PLCD3: variants seen among roughly 807,000 people sequenced by gnomAD.
PLCD3 encodes 1-phosphatidylinositol 4,5-bisphosphate phosphodiesterase delta-3.
In PLCD3, 62 loss-of-function variants were observed where a neutral mutation model predicts 82.8. That is an observed-to-expected ratio of 0.75 (90% confidence interval 0.61 to 0.93). The LOEUF is 0.93. Ranked by LOEUF, PLCD3 falls within the 40% of genes least tolerant of loss-of-function variation. The pLI is 0.00. For missense variants in PLCD3, 1,023 were observed against 1,103.4 expected, an observed-to-expected ratio of 0.93 and a Z score of 1.03; for synonymous variants, 478 against 471.8, an observed-to-expected ratio of 1.01 and a Z score of -0.17.
chr17:45,118,431 C>G lies in PLCD3; in HGVS notation c.975G>C (p.Gly325=). Residue 325 remains glycine, a synonymous_variant, in exon 6 of 15, where the codon GGG becomes GGC. Coordinates refer to ENST00000619929, the MANE Select transcript of PLCD3 (RefSeq NM_133373.5). The surrounding 1 kb of genome is among the most constrained non-coding windows in gnomAD (Gnocchi z 4.1). ...GFMMYLLSPE[G]AALDNTHTCV... Reference sequence around the variant, plus strand: ...ACGTGTGGGTGTTGTCCAAGGCAGCCCCCTCCGGCGACAACAGGTACATCA... The same window carrying G: ...ACGTGTGGGTGTTGTCCAAGGCAGCGCCCTCCGGCGACAACAGGTACATCA... The G allele has an allele frequency of 6.2e-7, 1 of 1,613,996 alleles. No homozygotes were observed. The highest frequency in any genetic ancestry group is 2.2e-5 in the East Asian group (1 of 44,888).
intron 10 of PLCD3, among the ~76,000 whole-genome samples, 181 bp downstream of exon 10, chr17:45,114,913 C>T (rs1234408578): frequency 5.9e-5 from 9 of 152,068 alleles, no homozygotes; most frequent in Non-Finnish European, 1.2e-4. Flanking sequence ...CCGCCCTCAG[C>T]GTGCCACTCC....
chr17:45,121,326 C>A lies in PLCD3; in HGVS notation c.210G>T (p.Arg70=), dbSNP rs1309731853. The A allele has an allele frequency of 1.3e-6, 2 of 1,556,914 alleles. No homozygotes were observed. The highest frequency in any genetic ancestry group is 2.3e-5 in the South Asian group (2 of 85,558). ...ACGTGCGCGAGCGGATCTTGCGGAG[C>A]CGGGAGCCCCGCAGCATGGCGCGCA... ...EDVRAMLRGS[R]LRKIRSRTWH... The change falls in exon 2 of 15, where the codon CGG becomes CGT. Residue 70 remains arginine, a synonymous_variant. Coordinates refer to ENST00000619929, the MANE Select transcript of PLCD3 (RefSeq NM_133373.5).
Position 45,118,935 on chromosome 17 carries a change from C to T in PLCD3, c.793G>A (p.Gly265Ser). 1 of 1,612,772 alleles carries T rather than the reference C, an allele frequency of 6.2e-7. No homozygotes were observed. The highest frequency in any genetic ancestry group is 8.5e-7 in the Non-Finnish European group (1 of 1,179,744). The part of the protein sequence containing the change: ...ELEEIFHQYS[G>S]EDRVLSAPEL... ...GGGGCACTCAGCACGCGGTCCTCGCCCGAGTACTGATGGAAGATCTCCTCC... is the reference window on the plus strand; with the variant it reads ...GGGGCACTCAGCACGCGGTCCTCGCTCGAGTACTGATGGAAGATCTCCTCC... Residue 265 changes from glycine (G) to serine (S), a missense_variant, in exon 5 of 15, where the codon GGC (glycine) becomes AGC (serine). Physicochemically the swap from Gly to Ser is moderately conservative, Grantham distance 56. This residue lies in a region of PLCD3 where 448 missense variants were observed against 406.3 expected (regional missense o/e 1.10). Transcript: ENST00000619929. This position sits in a 1 kb window ranked among gnomAD's most constrained non-coding sequence, Gnocchi z 4.1.
rs768137231 is a variant in PLCD3 at position 45,120,382 on chromosome 17, G to A, written c.627C>T (p.Ser209=). 3.1e-6 allele frequency: 5 copies of A among 1,613,910 alleles called. No homozygotes were observed. Among genetic ancestry groups the A allele is most frequent in the Non-Finnish European group, 4.2e-6 (5 of 1,179,890 alleles). Residue 209 remains serine, a synonymous_variant, in exon 4 of 15, where the codon AGC becomes AGT. Coordinates refer to ENST00000619929, the MANE Select transcript of PLCD3 (RefSeq NM_133373.5). ...DSKMSFKEIK[S]LLRMVNVDMN... Reference sequence around the variant, plus strand: ...TGTCCACGTTGACCATTCTCAGCAGGCTCTTGATCTCCTTGAAGCTCATCT... The same window carrying A: ...TGTCCACGTTGACCATTCTCAGCAGACTCTTGATCTCCTTGAAGCTCATCT...
chr17:45,114,140 A>T, intron 11 of PLCD3, 110 bp downstream of exon 11: 1 of 798,666 alleles, frequency 1.3e-6, no homozygotes, highest in South Asian at 2.1e-5. Flanking sequence ...AAAAATAATC[A>T]ACAAAATGCG....
Position 45,121,197 on chromosome 17 carries a change from C to T in PLCD3, c.325+14G>A. On this transcript the variant is annotated intron_variant, in intron 2 of 14. Coordinates refer to ENST00000619929, the MANE Select transcript of PLCD3 (RefSeq NM_133373.5). ...CCCACCTCCCTGTCCGCCCGGCGCT[C>T]CCCGGCCTCTCACAGATGTGCTGCG... 6.4e-7 allele frequency: 1 copy of T among 1,563,064 alleles called. No homozygotes were observed. The highest frequency in any genetic ancestry group is 8.6e-7 in the Non-Finnish European group (1 of 1,163,624).
rs532352505 is a variant in PLCD3, at chr17:45,109,067, TGCTGGAGCCTAG to T, written c.*3537_*3548del. ...GCAGGTGGCAGTGGAAGAAATGGAG[TGCTGGAGCCTAG>T]GCTGGAGCCAGGACGACAGGGCTTG... is the stretch of plus-strand genomic sequence containing the variant. On this transcript the variant is annotated 3_prime_UTR_variant, in exon 15 of 15. Transcript: ENST00000619929. The T allele has an allele frequency of 4.5e-4, 69 of 152,696 alleles. No homozygotes were observed. The highest frequency in any genetic ancestry group is 1.3e-3 in the African/African-American group (56 of 41,552). 9.5% of individuals were successfully genotyped at this position (152,696 alleles called of 1,614,324 possible). A position where few individuals can be genotyped will look rare whatever the true frequency, so the allele number is the denominator to read the frequency against.
At chr17:45,120,273 G>T in intron 4 of PLCD3, 52 bp downstream of exon 4, 1 of 1,610,964 alleles carries the variant, frequency 6.2e-7, no homozygotes. Flanking sequence ...GGGGCAGGCA[G>T]AGGTCAGAGT....
rs1283110137 is a variant in PLCD3 at position 45,115,424 on chromosome 17, C to T, written c.1480G>A (p.Ala494Thr). ...LPAARSEDGR[A>T]LSDREEEEED... ...TCCTCCTCCTCCCGATCCGACAGAG[C>T]CCGGCCATCCTCGCTCCGAGCAGCG... Residue 494 changes from alanine to threonine, a missense_variant, in exon 9 of 15, where the codon GCT (alanine) becomes ACT (threonine). By Grantham distance (58) the Ala-to-Thr change is moderately conservative. Transcript: ENST00000619929. The T allele has an allele frequency of 6.2e-7, 1 of 1,612,150 alleles. No individual in the cohort carries two copies.
At position 45,132,226 on chromosome 17, in the gene PLCD3, C is replaced by CTTG; in HGVS notation, c.163+21_163+22insCAA. The CTTG allele has an allele frequency of 7.9e-7, 1 of 1,259,292 alleles. No homozygotes were observed. Among genetic ancestry groups the CTTG allele is most frequent in the Non-Finnish European group, 1.0e-6 (1 of 1,001,584 alleles). 78.0% of individuals were successfully genotyped at this position (1,259,292 alleles called of 1,614,324 possible). On this transcript the variant is annotated intron_variant, in intron 1 of 14. Coordinates refer to ENST00000619929, the MANE Select transcript of PLCD3 (RefSeq NM_133373.5). This position sits in a 1 kb window ranked among gnomAD's most constrained non-coding sequence, Gnocchi z 4.6. ...CTGGGAACGGTCCGCGCCCACCCCACCGCCCCTTGCCCGTCACTGACCCAT... is the reference window on the plus strand; with the variant it reads ...CTGGGAACGGTCCGCGCCCACCCCACTTGCGCCCCTTGCCCGTCACTGACCCAT...
chr17:45,121,453 C>T, intron 1 of PLCD3, 81 bp from the exon 2 acceptor site: 2 of 1,413,464 alleles, frequency 1.4e-6, no homozygotes, highest in Non-Finnish European at 9.2e-7. Flanking sequence ...GACCTGCTGC[C>T]CCATCCTCCA....
At chr17:45,114,187 C>T (rs2054270631) in intron 11 of PLCD3, 63 bp downstream of exon 11, 6 of 1,284,230 alleles carry the variant, frequency 4.7e-6, no homozygotes, top group Admixed American at 3.0e-5. Flanking sequence ...GGGCCCCTCA[C>T]TGCTGAGGCC....
chr17:45,124,107 T>C (rs2054363538), intron 1 of PLCD3, among the ~76,000 whole-genome samples: 2 of 152,174 alleles, frequency 1.3e-5, no homozygotes, highest in African/African-American at 4.8e-5. Context: ...CTCATTGCCA[T>C]GACAACCAGG....
chr17:45,110,642 G>GCCAGAC lies in PLCD3; in HGVS notation c.*1973_*1974insGTCTGG. ...CCTGGCCAGACCTGGCTCTGCAGGG[G>GCCAGAC]CTGGGCAATGCTAATGGCTCTTCAT... On this transcript the variant is annotated 3_prime_UTR_variant, in exon 15 of 15. Transcript: ENST00000619929. The GCCAGAC allele has an allele frequency of 6.6e-6, 1 of 152,230 alleles. No individual in the cohort carries two copies. Among genetic ancestry groups the GCCAGAC allele is most frequent in the Admixed American group, 6.5e-5 (1 of 15,278 alleles). 9.4% of individuals were successfully genotyped at this position (152,230 alleles called of 1,614,324 possible).
At position 45,132,376 on chromosome 17, in the gene PLCD3, G is replaced by GGGC; in HGVS notation, c.32_34dup (p.Arg11dup). 2.4e-6 allele frequency: 3 copies of GGGC among 1,228,274 alleles called. No homozygotes were observed. Among genetic ancestry groups the GGGC allele is most frequent in the Non-Finnish European group, 1.0e-6 (1 of 985,658 alleles). 76.1% of individuals were successfully genotyped at this position (1,228,274 alleles called of 1,614,324 possible). A position where few individuals can be genotyped will look rare whatever the true frequency, so the allele number is the denominator to read the frequency against. ...GGCGGCCACCGGGGGCTCCTCGGGC[G>GGGC]GGCGGCGGCAACGCCTCCAGCGGCC... On this transcript the variant is annotated inframe_insertion, in exon 1 of 15. Coordinates refer to ENST00000619929, the MANE Select transcript of PLCD3 (RefSeq NM_133373.5). This position sits in a 1 kb window ranked among gnomAD's most constrained non-coding sequence, Gnocchi z 4.6.
At chr17:45,131,471 T>C (rs1002706679) in intron 1 of PLCD3, among the ~76,000 whole-genome samples, 2 of 152,218 alleles carry the variant, frequency 1.3e-5, no homozygotes, top group African/African-American at 4.8e-5. Context: ...AGGGCCCATG[T>C]GGTGGGGCAC....
chr17:45,118,284 A>G lies in PLCD3; in HGVS notation c.1115+7T>C. ...CTCCCGGAAACATTCACCCCCTGCT[A>G]CAGTACCTAACATAGGCCTCGGTGC... On this transcript the variant is annotated splice_region_variant and intron_variant, in intron 6 of 14. Coordinates refer to ENST00000619929, the MANE Select transcript of PLCD3 (RefSeq NM_133373.5). This position sits in a 1 kb window ranked among gnomAD's most constrained non-coding sequence, Gnocchi z 4.1. 1 of 1,613,962 alleles carries G rather than the reference A, an allele frequency of 6.2e-7. No individual in the cohort carries two copies. The highest frequency in any genetic ancestry group is 2.2e-5 in the East Asian group (1 of 44,882).
At chr17:45,119,754 C>G (rs2054321652) in intron 4 of PLCD3, among the ~76,000 whole-genome samples, 2 of 152,232 alleles carry the variant, frequency 1.3e-5, no homozygotes, top group African/African-American at 4.8e-5. Context: ...ATGGAGCATC[C>G]CTGTGAAGCT....
At chr17:45,114,175 G>T in intron 11 of PLCD3, 75 bp downstream of exon 11, 1 of 1,104,118 alleles carries the variant, frequency 9.1e-7, no homozygotes, top group Non-Finnish European at 1.3e-6. Context: ...GGAAGGCTGT[G>T]TGGGCCCCTC....
Sources: allele counts gnomAD v4.1 joint callset (sites outside exome capture counted in the v4.1 genomes callset), GRCh38; gene constraint gnomAD v4.1.1; regional missense constraint gnomAD v4.1.1; non-coding constraint Gnocchi (gnomAD v3.1); transcripts MANE v1.5; gene names NCBI Gene and HGNC (gene_info 2026-07-23, HGNC 2026-07-21).